The following NKAIN2 variants were observed in gnomAD, a reference collection of about 807,000 sequenced individuals.
NKAIN2 encodes sodium/potassium-transporting ATPase subunit beta-1-interacting protein 2.
A neutral mutation model predicts 32.6 loss-of-function variants in NKAIN2; 14 were observed. That is an observed-to-expected ratio of 0.43 (90% CI 0.28 to 0.67). The LOEUF is 0.67. Among genes scored for constraint, NKAIN2 ranks in the 30% least tolerant of loss-of-function variants. The probability of loss-of-function intolerance (pLI) is 0.17; values close to 1 mark genes in which losing one functional copy is unlikely to be tolerated. For missense variants in NKAIN2, 198 were observed against 258.3 expected (o/e 0.77, Z 1.60); for synonymous variants, 80 against 87.2 (o/e 0.92, Z 0.46).
intron 1 of NKAIN2, among the ~76,000 whole-genome samples, chr6:124,073,552 A>T (rs972398739): frequency 6.6e-6 from 1 of 152,196 alleles, no homozygotes; most frequent in Admixed American, 6.5e-5. Context: ...TCCCCAGCTG[A>T]GAGCCATGAT....
chr6:124,253,377 A>G (rs1443231278), intron 1 of NKAIN2, among the ~76,000 whole-genome samples: 2 of 152,202 alleles, frequency 1.3e-5, no homozygotes, highest in Non-Finnish European at 2.9e-5. Context: ...TGTAGATTCT[A>G]ATTGTTTACA....
intron 3 of NKAIN2, among the ~76,000 whole-genome samples, chr6:124,509,622 A>G (rs1470084658): frequency 6.6e-6 from 1 of 152,240 alleles, no homozygotes; most frequent in Non-Finnish European, 1.5e-5. Flanking sequence ...TGCTGCATTT[A>G]TGCAAATACC....
At chr6:123,859,812 T>A (rs1479309606) in intron 1 of NKAIN2, among the ~76,000 whole-genome samples, 5 of 152,180 alleles carry the variant, frequency 3.3e-5, no homozygotes, top group Non-Finnish European at 7.4e-5. Flanking sequence ...TACTTCAGTC[T>A]CCTGAGTAGC....
chr6:124,180,287 T>A (rs1200529583), intron 1 of NKAIN2, among the ~76,000 whole-genome samples: 2 of 152,156 alleles, frequency 1.3e-5, no homozygotes, highest in East Asian at 3.9e-4. Context: ...GGAAGACTCA[T>A]AATCATGGTG....
At chr6:124,783,212 T>C (rs916476316) in intron 4 of NKAIN2, among the ~76,000 whole-genome samples, 15 of 152,186 alleles carry the variant, frequency 9.9e-5, no homozygotes, top group Non-Finnish European at 4.4e-5. Flanking sequence ...AGTTTACTAA[T>C]ACACCAGACT....
chr6:124,223,510 T>C (rs1389636373), intron 1 of NKAIN2, among the ~76,000 whole-genome samples: 1 of 152,134 alleles, frequency 6.6e-6, no homozygotes, highest in Non-Finnish European at 1.5e-5. Flanking sequence ...TGTTCTAGTA[T>C]TTATACAAGA....
chr6:124,360,201 G>A (rs926751337), intron 3 of NKAIN2, among the ~76,000 whole-genome samples: 1 of 152,052 alleles, frequency 6.6e-6, no homozygotes, highest in African/African-American at 2.4e-5. Context: ...ATTTTTCATC[G>A]ATGTTCATCA....
At chr6:124,132,708 C>G (rs921508407) in intron 1 of NKAIN2, among the ~76,000 whole-genome samples, 1 of 152,194 alleles carries the variant, frequency 6.6e-6, no homozygotes, top group Non-Finnish European at 1.5e-5. Context: ...ATCTACATCA[C>G]CCCCAGCCAC....
At chr6:123,822,081 CTTAGGAAGTATTAATT>C (rs143418823) in intron 1 of NKAIN2, among the ~76,000 whole-genome samples, 1 of 84,622 alleles carries the variant, frequency 1.2e-5, no homozygotes, top group African/African-American at 1.1e-4. Context: ...AGAACTATTG[CTTAGGAAGTATTAATT>C]TTAGGAAGTA....
At chr6:123,995,657 C>T (rs557368710) in intron 1 of NKAIN2, among the ~76,000 whole-genome samples, 127 of 152,166 alleles carry the variant, frequency 8.3e-4, no homozygotes, top group African/African-American at 2.9e-3. Flanking sequence ...AGGTAAAAGT[C>T]CAAAATAACT....
chr6:124,531,854 A>G (rs764592936), intron 3 of NKAIN2, among the ~76,000 whole-genome samples: 1 of 152,036 alleles, frequency 6.6e-6, no homozygotes, highest in African/African-American at 2.4e-5. Context: ...TATTTTTTGT[A>G]CAGACGGGGT....
intron 4 of NKAIN2, among the ~76,000 whole-genome samples, chr6:124,732,867 C>A (rs1776755359): frequency 6.6e-6 from 1 of 151,866 alleles, no homozygotes. Flanking sequence ...TAAAAATCTT[C>A]TCATTAATAT....
intron 2 of NKAIN2, among the ~76,000 whole-genome samples, chr6:124,353,358 G>A (rs958861963): frequency 1.3e-5 from 2 of 152,134 alleles, no homozygotes; most frequent in Non-Finnish European, 2.9e-5. Context: ...GCCAATTCTG[G>A]TTCGGAATCA....
chr6:124,572,643 C>T (rs1781171485), intron 3 of NKAIN2, among the ~76,000 whole-genome samples: 2 of 151,162 alleles, frequency 1.3e-5, no homozygotes, highest in African/African-American at 2.4e-5. Context: ...AAAGTCTTAC[C>T]AAATGTTATC....
chr6:124,439,267 C>T (rs374594074), intron 3 of NKAIN2, among the ~76,000 whole-genome samples: 2 of 152,058 alleles, frequency 1.3e-5, no homozygotes, highest in South Asian at 2.1e-4. Flanking sequence ...AAACCAGAGT[C>T]ACTTTTTACT....
intron 1 of NKAIN2, among the ~76,000 whole-genome samples, chr6:123,924,872 G>A (rs944911753): frequency 1.3e-5 from 2 of 152,018 alleles, no homozygotes; most frequent in African/African-American, 4.8e-5. Context: ...TAATGTGTGA[G>A]ATCCTTATAA....
chr6:124,209,734 C>G (rs1193997863), intron 1 of NKAIN2, among the ~76,000 whole-genome samples: 1 of 151,628 alleles, frequency 6.6e-6, no homozygotes, highest in East Asian at 1.9e-4. Context: ...TTTCATATAC[C>G]TGTTGGACAT....
intron 1 of NKAIN2, among the ~76,000 whole-genome samples, chr6:124,130,851 G>A (rs541748282): frequency 6.6e-6 from 1 of 152,254 alleles, no homozygotes; most frequent in East Asian, 1.9e-4. Context: ...AGTGGATATA[G>A]GGGATCCCAT....
In NKAIN2 at chr6:124,007,369, C is replaced by T. The variant is rs368298239; in HGVS notation, c.54+203115C>T. Among the ~76,000 whole-genome samples the T allele has an allele frequency of 2.0e-3, 299 of 152,230 alleles. 8 individuals are homozygous for T. In the South Asian group the frequency reaches 0.059, roughly 30 times the overall value. Reference sequence around the variant, plus strand: ...CAGAGATAAGTAGATTTTATGTCCCCAACTCCACAATGTTGAGATTGCCAC... The same window carrying T: ...CAGAGATAAGTAGATTTTATGTCCCTAACTCCACAATGTTGAGATTGCCAC... On this transcript the variant is annotated intron_variant, in intron 1 of 6. Transcript: ENST00000368417.
Sources: gnomAD v4.1 joint callset for allele counts (sites outside exome capture counted in the v4.1 genomes callset) on GRCh38, gnomAD v4.1.1 for gene constraint, MANE v1.5 for transcripts, NCBI Gene and HGNC (gene_info 2026-07-23, HGNC 2026-07-21) for gene names.